Variants in MACF1 observed in about 807,000 individuals in gnomAD.
The protein encoded by MACF1 is microtubule actin crosslinking factor 1, also known as microtubule-actin cross-linking factor 1.
Under a neutral mutation model 854.8 loss-of-function variants are expected in MACF1, and 193 were observed. That is an observed-to-expected ratio of 0.23 (90% CI 0.20 to 0.25). The LOEUF is 0.25. Among genes scored for constraint, MACF1 ranks in the 10% least tolerant of loss-of-function variants. The pLI is 1.00. For missense variants in MACF1, 7,722 were observed against 8,929.1 expected, an observed-to-expected ratio of 0.86 and a Z score of 5.45; for synonymous variants, 3,185 against 3,226.7, an observed-to-expected ratio of 0.99 and a Z score of 0.44.
At chr1:39,287,237 CTA>C in intron 14 of MACF1, 47 bp from the exon 15 acceptor site, 2 of 1,560,584 alleles carry the variant, frequency 1.3e-6, no homozygotes, top group South Asian at 2.3e-5. Flanking sequence ...TTTTTAAAAA[CTA>C]TACTATAGAT....
rs986963245 is a variant in MACF1, at chr1:39,364,120, G to A, written c.12771+2443G>A. 4.6e-5 allele frequency among the ~76,000 whole-genome samples: 7 copies of A among 152,230 alleles called. No individual in the cohort carries two copies. In the South Asian group the frequency reaches 1.5e-3, roughly 32 times the overall value. The stretch of plus-strand genomic sequence containing the variant: ...CCCTCCATTGAAATTTCACCATTTT[G>A]CATTCCCAGCAGCAGTGTATTAGAG... On this transcript the variant is annotated intron_variant, in intron 49 of 100. Coordinates refer to ENST00000564288, the MANE Select transcript of MACF1 (RefSeq NM_001394062.1).
intron 58 of MACF1, among the ~76,000 whole-genome samples, chr1:39,419,974 C>G (rs571495260): frequency 6.8e-4 from 104 of 152,264 alleles, no homozygotes; most frequent in Non-Finnish European, 1.4e-3. Flanking sequence ...GCCTATTTTA[C>G]TTTTCTGTGT....
chr1:39,390,303 A>G (rs768930896), intron 58 of MACF1, among the ~76,000 whole-genome samples: 2 of 152,258 alleles, frequency 1.3e-5, no homozygotes, highest in African/African-American at 2.4e-5. Context: ...TCTTAAAAAC[A>G]TGGATGCAGA....
intron 24 of MACF1, 34 bp downstream of exon 24, chr1:39,309,730 C>G: frequency 1.3e-6 from 2 of 1,591,984 alleles, no homozygotes; most frequent in Non-Finnish European, 1.7e-6. Flanking sequence ...GGCTTACATT[C>G]CATTGGCAAG....
At chr1:39,374,599 T>G (rs996488021) in intron 52 of MACF1, among the ~76,000 whole-genome samples, 3 of 152,210 alleles carry the variant, frequency 2.0e-5, no homozygotes, top group Non-Finnish European at 2.9e-5. Context: ...CACAGTCATA[T>G]ACCTCTGCCA....
chr1:39,105,710 G>A lies in MACF1; in HGVS notation c.220+21272G>A, dbSNP rs1431644009. The A allele has an allele frequency of 3.3e-6, 4 of 1,204,126 alleles. No homozygotes were observed. The Admixed American group carries it at 8.5e-5, about 25-fold the overall frequency. 74.6% of individuals were successfully genotyped at this position (1,204,126 alleles called of 1,614,324 possible). A position where few individuals can be genotyped will look rare whatever the true frequency, so the allele number is the denominator to read the frequency against. Reference sequence around the variant, plus strand: ...AGGCGTACGAGGATGTGCTGGAGCGGTACAAAGGTAGGGCCGGGGACTGGC... The same window carrying A: ...AGGCGTACGAGGATGTGCTGGAGCGATACAAAGGTAGGGCCGGGGACTGGC... On this transcript the variant is annotated intron_variant, in intron 2 of 93. Coordinates refer to the MACF1 transcript ENST00000361689. The surrounding 1 kb of genome is among the most constrained non-coding windows in gnomAD (Gnocchi z 5.9).
intron 49 of MACF1, among the ~76,000 whole-genome samples, chr1:39,364,051 A>G (rs1001366505): frequency 1.9e-4 from 29 of 152,334 alleles, no homozygotes; most frequent in African/African-American, 7.0e-4. Flanking sequence ...TTGTTGCATT[A>G]AAGGGTAAAT....
intron 2 of MACF1, among the ~76,000 whole-genome samples, chr1:39,186,412 A>G (rs1644174902): frequency 6.6e-6 from 1 of 151,364 alleles, no homozygotes; most frequent in African/African-American, 2.4e-5. Context: ...GATTACAGGC[A>G]CGCGCCACCA....
rs1453373130 is a variant in MACF1, at chr1:39,337,310, G to C, written c.10194G>C (p.Gln3398His). The change falls in exon 38 of 101, where the codon CAG becomes CAC. Residue 3398 changes from glutamine to histidine, a missense_variant. Around this residue, in one of 15 missense-constraint regions of MACF1, gnomAD observed 854 missense variants for 852.6 expected, o/e 1.00. Coordinates refer to ENST00000564288, the MANE Select transcript of MACF1 (RefSeq NM_001394062.1). ...TGGAGCTAAACCTGGCAGAACTACA[G>C]GATCTGCTGTGTCAGGCCAAGGTAG... The part of the protein sequence containing the change: ...QPLELNLAEL[Q>H]DLLCQAKVLE... 6.2e-7 allele frequency: 1 copy of C among 1,613,992 alleles called. No homozygotes were observed. The highest frequency in any genetic ancestry group is 1.3e-5 in the African/African-American group (1 of 75,022).
intron 2 of MACF1, among the ~76,000 whole-genome samples, chr1:39,089,513 C>T (rs1412194644): frequency 6.6e-6 from 1 of 152,164 alleles, no homozygotes; most frequent in Non-Finnish European, 1.5e-5. Context: ...GTTCATTGTT[C>T]CCAGGTTCAT....
At chr1:39,143,558 CA>C (rs1643393988) in intron 2 of MACF1, among the ~76,000 whole-genome samples, 2 of 152,160 alleles carry the variant, frequency 1.3e-5, no homozygotes, top group Admixed American at 1.3e-4. Context: ...CTCACTTTCC[CA>C]CCCTCATCCT....
At position 39,397,163 on chromosome 1, in the gene MACF1, A is replaced by G. The variant is rs1481833632; in HGVS notation, c.15816+8505A>G. Among the ~76,000 whole-genome samples, 3 of 151,292 alleles carry G rather than the reference A, an allele frequency of 2.0e-5. No individual in the cohort carries two copies. In the East Asian group the frequency reaches 5.8e-4, roughly 29 times the overall value. ...TGTGGTGGGTACTGGAGTCTCAGATAGTCTCTAGTTAACAGTGTACAGATG... is the reference window on the plus strand; with the variant it reads ...TGTGGTGGGTACTGGAGTCTCAGATGGTCTCTAGTTAACAGTGTACAGATG... On this transcript the variant is annotated intron_variant, in intron 58 of 100. Transcript: ENST00000564288.
At chr1:39,434,338 A>G (rs1268614383) in intron 68 of MACF1, 76 bp from the exon 69 acceptor site, 5 of 743,312 alleles carry the variant, frequency 6.7e-6, no homozygotes, top group South Asian at 5.7e-5. Context: ...TTTTTAATGT[A>G]TATATACCTA....
intron 2 of MACF1, among the ~76,000 whole-genome samples, chr1:39,241,050 GTTTT>G (rs34414583): frequency 1.5e-5 from 2 of 129,474 alleles, no homozygotes; most frequent in Non-Finnish European, 1.7e-5. Context: ...ACTATAATCT[GTTTT>G]TTTTTTTTTT....
At chr1:39,355,731 T>C (rs181399491) in intron 44 of MACF1, among the ~76,000 whole-genome samples, 1 of 152,298 alleles carries the variant, frequency 6.6e-6, no homozygotes, top group East Asian at 1.9e-4. Flanking sequence ...CCCAAAGTGC[T>C]GGGATTATAG....
At chr1:39,463,494 A>T in intron 93 of MACF1, 118 bp from the exon 94 acceptor site, 1 of 688,604 alleles carries the variant, frequency 1.5e-6, no homozygotes, top group Non-Finnish European at 2.5e-6. Flanking sequence ...CCATCTCAAA[A>T]AAAAAAAAAA....
intron 71 of MACF1, among the ~76,000 whole-genome samples, chr1:39,439,034 G>A (rs1644044278): frequency 6.7e-6 from 1 of 149,706 alleles, no homozygotes; most frequent in African/African-American, 2.5e-5. Context: ...AGTGAGCCAA[G>A]ATTGCGCCAC....
chr1:39,285,740 T>A lies in MACF1; in HGVS notation c.1490T>A (p.Leu497Gln). ...CTGCGGGATGAGAATTACTACCAGCTAGAAGAGCTGGCTTTTAGGTGAGGA... is the reference window on the plus strand; with the variant it reads ...CTGCGGGATGAGAATTACTACCAGCAAGAAGAGCTGGCTTTTAGGTGAGGA... Reference protein sequence around the residue: ...QILRDENYYQLEELAFRVMRL... With the variant: ...QILRDENYYQQEELAFRVMRL... The change falls in exon 14 of 101, where the codon CTA becomes CAA. Residue 497 changes from leucine (L) to glutamine (Q), a missense_variant. By Grantham distance (113) the Leu-to-Gln change is moderately radical. Transcript: ENST00000564288. The A allele has an allele frequency of 6.2e-7, 1 of 1,614,160 alleles. No homozygotes were observed. The highest frequency in any genetic ancestry group is 8.5e-7 in the Non-Finnish European group (1 of 1,180,012).
chr1:39,307,677 A>G (rs560516766), intron 23 of MACF1, among the ~76,000 whole-genome samples: 73 of 151,462 alleles, frequency 4.8e-4, no homozygotes, highest in Non-Finnish European at 9.7e-4. Flanking sequence ...GGTTCAGGCA[A>G]TTCTCCTGCC....
Sources: allele counts gnomAD v4.1 joint callset (sites outside exome capture counted in the v4.1 genomes callset), GRCh38; gene constraint gnomAD v4.1.1; regional missense constraint gnomAD v4.1.1; non-coding constraint Gnocchi (gnomAD v3.1); transcripts MANE v1.5; gene names NCBI Gene and HGNC (gene_info 2026-07-23, HGNC 2026-07-21).